Variants in ATP10D observed in about 807,000 individuals in gnomAD.
ATP10D encodes the protein ATPase phospholipid transporting 10D (putative).
A neutral mutation model predicts 144.8 loss-of-function variants in ATP10D; 89 were observed. That is an observed-to-expected ratio of 0.61 (90% CI 0.52 to 0.73). ATP10D has a LOEUF of 0.73. Ranked by LOEUF, ATP10D falls within the 30% of genes least tolerant of loss-of-function variation. The pLI is 0.00. For synonymous variants in ATP10D, 571 were observed against 615.1 expected (o/e 0.93, Z 1.06); for missense variants, 1,603 against 1,714.8 (o/e 0.93, Z 1.15).
intron 1 of ATP10D, among the ~76,000 whole-genome samples, chr4:47,504,632 G>A (rs925324196): frequency 5.9e-5 from 9 of 151,884 alleles, no homozygotes; most frequent in African/African-American, 1.7e-4. Flanking sequence ...GCGTGATCTC[G>A]GCTCACTGCA....
intron 14 of ATP10D, among the ~76,000 whole-genome samples, 168 bp from the exon 15 acceptor site, chr4:47,563,413 A>G (rs1475539884): frequency 6.6e-6 from 1 of 152,096 alleles, no homozygotes; most frequent in Non-Finnish European, 1.5e-5. Flanking sequence ...TACATTGCAT[A>G]TAATTTTGGT....
intron 10 of ATP10D, 101 bp downstream of exon 10, chr4:47,546,963 C>G: frequency 4.4e-6 from 5 of 1,130,772 alleles, no homozygotes; most frequent in Non-Finnish European, 5.1e-6. Flanking sequence ...TCTTTTCTAC[C>G]TTAGAAGAGA....
intron 15 of ATP10D, among the ~76,000 whole-genome samples, chr4:47,567,288 G>A (rs756470731): frequency 6.6e-6 from 1 of 152,250 alleles, no homozygotes; most frequent in East Asian, 1.9e-4. Flanking sequence ...GTGTGTGTAT[G>A]CATACTTCTG....
chr4:47,547,306 C>T (rs1718492964), intron 10 of ATP10D: 2 of 164,236 alleles, frequency 1.2e-5, no homozygotes, highest in South Asian at 3.1e-4. Flanking sequence ...CAAATCCCAC[C>T]AAACTTGTGG....
intron 9 of ATP10D, 124 bp from the exon 10 acceptor site, chr4:47,546,500 C>G: frequency 1.2e-6 from 1 of 845,808 alleles, no homozygotes; most frequent in Non-Finnish European, 2.0e-6. Context: ...GGAGGTAGGC[C>G]TTGGCAGCCA....
chr4:47,504,784 C>T (rs116361517), intron 1 of ATP10D, among the ~76,000 whole-genome samples: 18,580 of 152,060 alleles, frequency 0.12, 1,318 homozygotes, highest in Non-Finnish European at 0.16. Flanking sequence ...AAAATGGTCT[C>T]GATCTAGGTC....
chr4:47,544,455 T>A (rs1718312108), intron 9 of ATP10D, among the ~76,000 whole-genome samples: 1 of 152,208 alleles, frequency 6.6e-6, no homozygotes, highest in South Asian at 2.1e-4. Flanking sequence ...GAGATCAGAA[T>A]CTCTGGGACA....
chr4:47,558,288 A>G lies in ATP10D; in HGVS notation c.2434+15A>G, dbSNP rs1719102540. On this transcript the variant is annotated intron_variant, in intron 12 of 22. Transcript: ENST00000273859. ...GGCTTCCCCAGGTAAGTTTATACAA[A>G]AGTGAAATAGTAGTGATTTGAAAAG... 6.2e-7 allele frequency: 1 copy of G among 1,607,214 alleles called. No homozygotes were observed. Among genetic ancestry groups the G allele is most frequent in the Non-Finnish European group, 8.5e-7 (1 of 1,175,396 alleles).
chr4:47,570,531 C>A (rs923113305), intron 16 of ATP10D, among the ~76,000 whole-genome samples: 44 of 152,134 alleles, frequency 2.9e-4, no homozygotes, highest in Admixed American at 9.2e-4. Context: ...AGGCCAGGTA[C>A]AGTGGCTCAC....
chr4:47,555,093 A>G (rs1324252923), intron 11 of ATP10D, among the ~76,000 whole-genome samples, 179 bp downstream of exon 11: 3 of 152,084 alleles, frequency 2.0e-5, no homozygotes, highest in Non-Finnish European at 4.4e-5. Context: ...TGGGTCCCCA[A>G]CCCCCTTGGT....
At chr4:47,527,916 G>T (rs1717337557) in intron 5 of ATP10D, among the ~76,000 whole-genome samples, 1 of 152,060 alleles carries the variant, frequency 6.6e-6, no homozygotes, top group South Asian at 2.1e-4. Flanking sequence ...GAAAATATTT[G>T]TCCATTCTAT....
intron 19 of ATP10D, among the ~76,000 whole-genome samples, chr4:47,577,998 C>A (rs9995068): frequency 0.25 from 37,959 of 152,058 alleles, 4,774 homozygotes; most frequent in Admixed American, 0.32. Context: ...TTTAAAAGCC[C>A]ATTTGTATGG....
In ATP10D at chr4:47,590,215, GCAAAGTGT is replaced by G. The variant is rs565768500; in HGVS notation, c.3942-820_3942-813del. Among the ~76,000 whole-genome samples the G allele has an allele frequency of 2.6e-5, 4 of 152,208 alleles. No individual in the cohort carries two copies. In the South Asian group the frequency reaches 8.3e-4, roughly 32 times the overall value. On this transcript the variant is annotated intron_variant, in intron 22 of 22. Transcript: ENST00000273859. ...GATATTTGGCAGAGGAGGTTTCTAA[GCAAAGTGT>G]CAAAGTTGTGTCCTGATTTACTGCT...
At position 47,588,885 on chromosome 4, in the gene ATP10D, A is replaced by G. The variant is rs550460690; in HGVS notation, c.3941+1679A>G. On this transcript the variant is annotated intron_variant, in intron 22 of 22. Coordinates refer to ENST00000273859, the MANE Select transcript of ATP10D (RefSeq NM_020453.4). ...AGTTCTAATATTATCGTGGTATGCTAAAAAATGACTCCCTAAAAGATTTCC... is the reference window on the plus strand; with the variant it reads ...AGTTCTAATATTATCGTGGTATGCTGAAAAATGACTCCCTAAAAGATTTCC... Among the ~76,000 whole-genome samples the G allele has an allele frequency of 3.9e-4, 60 of 152,292 alleles. No individual in the cohort carries two copies. The South Asian group carries it at 0.012, about 31-fold the overall frequency.
intron 14 of ATP10D, 140 bp from the exon 15 acceptor site, chr4:47,563,441 C>T: frequency 1.6e-6 from 1 of 644,262 alleles, no homozygotes. Flanking sequence ...GTCAAACCTC[C>T]TTTGACTCTC....
intron 20 of ATP10D, among the ~76,000 whole-genome samples, chr4:47,581,344 T>C (rs1720504670): frequency 6.6e-6 from 1 of 152,232 alleles, no homozygotes; most frequent in Non-Finnish European, 1.5e-5. Flanking sequence ...ACCTGTTTTA[T>C]CATGGGTGGT....
At chr4:47,555,040 T>C in intron 11 of ATP10D, 126 bp downstream of exon 11, 2 of 865,312 alleles carry the variant, frequency 2.3e-6, no homozygotes, top group Non-Finnish European at 3.6e-6. Context: ...TAACACTGAT[T>C]CAGCATTTGT....
chr4:47,523,586 A>C (rs536605757), intron 4 of ATP10D, among the ~76,000 whole-genome samples: 1 of 152,216 alleles, frequency 6.6e-6, no homozygotes, highest in Non-Finnish European at 1.5e-5. Context: ...TTCATGCTAC[A>C]TAGCTTTTAG....
At chr4:47,536,349 C>T (rs1717845222) in intron 7 of ATP10D, 88 bp from the exon 8 acceptor site, 1 of 1,494,714 alleles carries the variant, frequency 6.7e-7, no homozygotes, top group Non-Finnish European at 9.1e-7. Context: ...AAAATGAATA[C>T]TCTCATTCCT....
Sources: gnomAD v4.1 joint callset for allele counts (sites outside exome capture counted in the v4.1 genomes callset) on GRCh38, gnomAD v4.1.1 for gene constraint, MANE v1.5 for transcripts, NCBI Gene and HGNC (gene_info 2026-07-23, HGNC 2026-07-21) for gene names.